ZC3H7B: variants seen among roughly 807,000 people sequenced by gnomAD.
The protein encoded by ZC3H7B is zinc finger CCCH domain-containing protein 7B.
Under a neutral mutation model 116.0 loss-of-function variants are expected in ZC3H7B, and 35 were observed. The observed-to-expected ratio is 0.30, with a 90% CI of 0.23 to 0.40. ZC3H7B has a LOEUF of 0.40. ZC3H7B is among the 10% of genes least tolerant of loss of function. The pLI, the probability that ZC3H7B is intolerant of heterozygous loss-of-function variation, is 1.00. For synonymous variants in ZC3H7B, 502 were observed against 545.6 expected (o/e 0.92, Z 1.11); for missense variants, 1,011 against 1,321.5 (o/e 0.77, Z 3.64).
intron 1 of ZC3H7B, among the ~76,000 whole-genome samples, chr22:41,308,220 G>A (rs574544714): frequency 3.2e-4 from 48 of 152,160 alleles, no homozygotes; most frequent in Admixed American, 3.1e-3. Context: ...TTCCTGTGAG[G>A]GCTGCAGGGA....
chr22:41,309,080 C>T (rs1172849418), intron 1 of ZC3H7B, among the ~76,000 whole-genome samples: 11 of 140,468 alleles, frequency 7.8e-5, no homozygotes, highest in African/African-American at 2.3e-4. Context: ...GGCGCGATCT[C>T]GACTCACTGC....
At chr22:41,344,781 G>A (rs1047448996) in intron 13 of ZC3H7B, among the ~76,000 whole-genome samples, 1 of 152,148 alleles carries the variant, frequency 6.6e-6, no homozygotes, top group African/African-American at 2.4e-5. Flanking sequence ...CTCTCCAGAT[G>A]GCCCAGCCCC....
At position 41,359,635 on chromosome 22, in the gene ZC3H7B, G is replaced by C. The variant is rs545080833; in HGVS notation, c.*2206G>C. ...GAAAAGAACAGGATTCAAGTCCAGA[G>C]TTTTCATCTTCAGCCTGTGATCTGT... is the stretch of plus-strand genomic sequence containing the variant. On this transcript the variant is annotated 3_prime_UTR_variant, in exon 23 of 23. Coordinates refer to ENST00000352645, the MANE Select transcript of ZC3H7B (RefSeq NM_017590.6). 38 of 152,398 alleles carry C rather than the reference G, an allele frequency of 2.5e-4. No individual in the cohort carries two copies. The highest frequency in any genetic ancestry group is 8.7e-4 in the African/African-American group (36 of 41,578). The allele number at this position is 152,398 out of a possible 1,614,324, so 9.4% of individuals were successfully genotyped here. A position where few individuals can be genotyped will look rare whatever the true frequency, so the allele number is the denominator to read the frequency against.
chr22:41,356,202 C>T (rs1404452983), intron 20 of ZC3H7B, 140 bp downstream of exon 20: 4 of 1,493,066 alleles, frequency 2.7e-6, no homozygotes, highest in African/African-American at 1.4e-5. Context: ...ATGCCGGGCC[C>T]TCTCTGAGGC....
chr22:41,343,540 A>G lies in ZC3H7B; in HGVS notation c.1423A>G (p.Lys475Glu). The G allele has an allele frequency of 1.2e-6, 2 of 1,612,382 alleles. No homozygotes were observed. The highest frequency in any genetic ancestry group is 1.1e-5 in the South Asian group (1 of 90,972). ...TWKRIRPRPTKTSFVGSYYLC... is the reference protein window; with the variant it reads ...TWKRIRPRPTETSFVGSYYLC... ...GAAGCGGATCCGGCCCCGGCCCACT[A>G]AGACCAGCTTCGTGGGCTCCTACTA... The change falls in exon 13 of 23, where the codon AAG (lysine) becomes GAG (glutamate). Residue 475 changes from lysine (K) to glutamate (E), a missense_variant. Physicochemically the swap from Lys to Glu is moderately conservative, Grantham distance 56 (BLOSUM62 1). Around this residue, in one of 5 missense-constraint regions of ZC3H7B, gnomAD observed 179 missense variants for 178.5 expected, o/e 1.00. Transcript: ENST00000352645.
chr22:41,348,064 C>A lies in ZC3H7B; in HGVS notation c.1666-3C>A. 6.2e-7 allele frequency: 1 copy of A among 1,613,738 alleles called. No homozygotes were observed. The highest frequency in any genetic ancestry group is 8.5e-7 in the Non-Finnish European group (1 of 1,179,750). On this transcript the variant is annotated splice_polypyrimidine_tract_variant and splice_region_variant and intron_variant, in intron 14 of 22. Coordinates refer to ENST00000352645, the MANE Select transcript of ZC3H7B (RefSeq NM_017590.6). Reference sequence around the variant, plus strand: ...GGTCCCAGCCCTTCCCCTCCCTGGGCAGATCTGCTTTGACAGTAAACCCCG... The same window carrying A: ...GGTCCCAGCCCTTCCCCTCCCTGGGAAGATCTGCTTTGACAGTAAACCCCG...
chr22:41,335,371 A>T (rs2036430894), intron 7 of ZC3H7B: 1 of 152,200 alleles, frequency 6.6e-6, no homozygotes, highest in African/African-American at 2.4e-5. Flanking sequence ...AGAGCTCCAT[A>T]GACCTTTGTT....
rs2036658773 is a variant in ZC3H7B at position 41,351,943 on chromosome 22, C to T, written c.2034+297C>T. Among the ~76,000 whole-genome samples the T allele has an allele frequency of 1.3e-5, 2 of 151,162 alleles. No homozygotes were observed. The highest frequency in any genetic ancestry group is 2.5e-5 in the African/African-American group (1 of 40,498). ...TCTCAGGTGATCCTCCTGCCTCAGC[C>T]TCCTGAGTAGCTGGGATTACAGGCA... On this transcript the variant is annotated intron_variant, in intron 17 of 22. Coordinates refer to ENST00000352645, the MANE Select transcript of ZC3H7B (RefSeq NM_017590.6). The surrounding 1 kb of genome is among the most constrained non-coding windows in gnomAD (Gnocchi z 5.1).
Position 41,325,773 on chromosome 22 carries a change from T to A in ZC3H7B, c.140T>A (p.Phe47Tyr). The A allele has an allele frequency of 1.2e-6, 2 of 1,613,980 alleles. No individual in the cohort carries two copies. The highest frequency in any genetic ancestry group is 1.7e-6 in the Non-Finnish European group (2 of 1,180,018). Residue 47 changes from phenylalanine (F) to tyrosine (Y), a missense_variant, in exon 4 of 23, where the codon TTC (phenylalanine) becomes TAC (tyrosine). Physicochemically the swap from Phe to Tyr is conservative, Grantham distance 22. Around this residue, in one of 5 missense-constraint regions of ZC3H7B, gnomAD observed 322 missense variants for 443.9 expected, o/e 0.73. Transcript: ENST00000352645. ...QNLFAEGNDL[F>Y]REKDYKQALV... ...CTGTTTGCTGAGGGCAATGATCTGT[T>A]CCGGGAGAAGGACTATAAGCAGGCT...
At chr22:41,303,247 C>T (rs893295326) in intron 1 of ZC3H7B, among the ~76,000 whole-genome samples, 2 of 152,192 alleles carry the variant, frequency 1.3e-5, no homozygotes, top group African/African-American at 2.4e-5. Flanking sequence ...AAGAAAGAAC[C>T]TGTCCAGGAG....
intron 1 of ZC3H7B, among the ~76,000 whole-genome samples, chr22:41,314,693 G>A (rs2036158533): frequency 1.3e-5 from 2 of 149,174 alleles, no homozygotes; most frequent in South Asian, 4.3e-4. Context: ...CACTGCAACC[G>A]CTGCCTCATG....
In ZC3H7B at chr22:41,338,366, C is replaced by T. The variant is rs200393656; in HGVS notation, c.625+11C>T. 13 of 1,613,018 alleles carry T rather than the reference C, an allele frequency of 8.1e-6. No individual in the cohort carries two copies. The highest frequency in any genetic ancestry group is 1.7e-4 in the Middle Eastern group (1 of 6,058). On this transcript the variant is annotated intron_variant, in intron 8 of 22. Transcript: ENST00000352645. The surrounding 1 kb of genome is among the most constrained non-coding windows in gnomAD (Gnocchi z 4.5). ...ATGACATCGAAACAGGTAATGTCCC[C>T]GATACGAGGGAACAAGTGGAAATTG... is the stretch of plus-strand genomic sequence containing the variant.
chr22:41,327,362 C>T lies in ZC3H7B; in HGVS notation c.442C>T (p.His148Tyr), dbSNP rs1023745172. Residue 148 changes from histidine to tyrosine, a missense_variant and splice_region_variant, in exon 5 of 23, where the codon CAC becomes TAC. Transcript: ENST00000352645. This position sits in a 1 kb window ranked among gnomAD's most constrained non-coding sequence, Gnocchi z 4.5. The part of the protein sequence containing the change: ...CSSRCSLALP[H>Y]DESVTQLGQE... ...CAGCCGGTGTTCCCTCGCCCTGCCC[C>T]ACGTGAGTGTGGCTCTGCAGCCACG... is the stretch of plus-strand genomic sequence containing the variant. 12 of 1,610,300 alleles carry T rather than the reference C, an allele frequency of 7.5e-6. No homozygotes were observed. The highest frequency in any genetic ancestry group is 1.1e-5 in the South Asian group (1 of 91,064).
chr22:41,348,678 T>C (rs1317344286), intron 15 of ZC3H7B, among the ~76,000 whole-genome samples: 1 of 152,194 alleles, frequency 6.6e-6, no homozygotes, highest in African/African-American at 2.4e-5. Flanking sequence ...CTGGGTCCAA[T>C]TCCTGGGCCA....
intron 18 of ZC3H7B, 48 bp downstream of exon 18, chr22:41,355,650 C>A (rs2036703767): frequency 6.2e-7 from 1 of 1,612,434 alleles, no homozygotes; most frequent in East Asian, 2.2e-5. Context: ...GGCCACCCTA[C>A]CACCACAGGT....
At chr22:41,334,104 G>A (rs2036413807) in intron 7 of ZC3H7B, 1 of 152,292 alleles carries the variant, frequency 6.6e-6, no homozygotes. Context: ...ATAGAAGCCA[G>A]ACCGCTTGAC....
chr22:41,343,787 CAGGTGGGACACATTTGGGACAT>C (rs1422242328), intron 13 of ZC3H7B, among the ~76,000 whole-genome samples: 2 of 152,220 alleles, frequency 1.3e-5, no homozygotes, highest in Non-Finnish European at 2.9e-5. Context: ...CTTCCAGAGG[CAGGTGGGACACATTTGGGACAT>C]TCAGCTGGAG....
chr22:41,339,298 G>A, intron 9 of ZC3H7B, 107 bp downstream of exon 9: 1 of 1,362,434 alleles, frequency 7.3e-7, no homozygotes, highest in East Asian at 2.5e-5. Flanking sequence ...ATGTGTCTCA[G>A]GAGGAGGCCT....
At chr22:41,343,382 C>T (rs751592062) in intron 12 of ZC3H7B, 33 bp from the exon 13 acceptor site, 43 of 1,582,924 alleles carry the variant, frequency 2.7e-5, no homozygotes, top group South Asian at 6.8e-5. Context: ...ATTCTGCTTC[C>T]GGAATTATCA....
Sources: gnomAD v4.1 joint callset for allele counts (sites outside exome capture counted in the v4.1 genomes callset) on GRCh38, gnomAD v4.1.1 for gene constraint, gnomAD v4.1.1 regional missense constraint, Gnocchi (gnomAD v3.1) non-coding constraint, MANE v1.5 for transcripts, NCBI Gene and HGNC (gene_info 2026-07-23, HGNC 2026-07-21) for gene names.